The following MTX2 variants were observed in gnomAD, a reference collection of about 807,000 sequenced individuals.
The protein encoded by MTX2 is metaxin-2.
Under a neutral mutation model 42.3 loss-of-function variants are expected in MTX2, and 35 were observed. That is an observed-to-expected ratio of 0.83 (90% CI 0.63 to 1.10). The LOEUF is 1.10. MTX2 is among the 50% of genes least tolerant of loss of function. The pLI is 0.00. For synonymous variants in MTX2, 119 were observed against 100.9 expected, an observed-to-expected ratio of 1.18 and a Z score of -1.08; for missense variants, 307 against 304.1, an observed-to-expected ratio of 1.01 and a Z score of -0.07.
At chr2:176,323,884 A>G (rs1684643779) in intron 4 of MTX2, among the ~76,000 whole-genome samples, 1 of 151,662 alleles carries the variant, frequency 6.6e-6, no homozygotes. Context: ...GAGATTGTAG[A>G]AAAATTAATT....
rs77534553 is a variant in MTX2 at position 176,297,566 on chromosome 2, A to C, written c.89-283A>C. ...CACCAGATTTTACTTAATTTTAATG[A>C]AGAGGAACATTTCTTGAAAACTTGA... is the stretch of plus-strand genomic sequence containing the variant. On this transcript the variant is annotated intron_variant, in intron 2 of 9. Transcript: ENST00000249442. Among the ~76,000 whole-genome samples the C allele has an allele frequency of 0.013, 1,909 of 152,298 alleles. 37 individuals are homozygous for C. The highest frequency in any genetic ancestry group is 0.043 in the African/African-American group (1,807 of 41,576).
In MTX2 at chr2:176,337,699, A is replaced by C; in HGVS notation, c.*35A>C. 1 of 1,485,808 alleles carries C rather than the reference A, an allele frequency of 6.7e-7. No homozygotes were observed. Among genetic ancestry groups the C allele is most frequent in the East Asian group, 2.4e-5 (1 of 41,340 alleles). 92.0% of individuals were successfully genotyped at this position (1,485,808 alleles called of 1,614,324 possible). A position where few individuals can be genotyped will look rare whatever the true frequency, so the allele number is the denominator to read the frequency against. On this transcript the variant is annotated 3_prime_UTR_variant, in exon 10 of 10. Transcript: ENST00000249442. ...TTAGTCTCAGGAGTCTTAACTTTTG[A>C]AATATGTTTTACTTGAATGTTACAT...
At chr2:176,328,443 A>G in intron 6 of MTX2, 58 bp downstream of exon 6, 1 of 1,131,870 alleles carries the variant, frequency 8.8e-7, no homozygotes. Context: ...CTCATAAAAT[A>G]TAATCTTTCT....
At chr2:176,312,863 C>CAAAAAAAAAAAAAAAAA in intron 3 of MTX2, among the ~76,000 whole-genome samples, 1 of 56,032 alleles carries the variant, frequency 1.8e-5, no homozygotes, top group Non-Finnish European at 4.0e-5. Context: ...AATGCCATCT[C>CAAAAAAAAAAAAAAAAA]AAAAAAAAAA....
chr2:176,313,473 A>G (rs1435812276), intron 3 of MTX2, among the ~76,000 whole-genome samples: 2 of 148,372 alleles, frequency 1.3e-5, no homozygotes, highest in East Asian at 2.0e-4. Flanking sequence ...GCTCACTGCA[A>G]CTTCCATCTC....
intron 1 of MTX2, among the ~76,000 whole-genome samples, chr2:176,293,299 A>G (rs1454400559): frequency 2.6e-5 from 4 of 152,244 alleles, no homozygotes; most frequent in Middle Eastern, 3.2e-3. Context: ...ATTACATATT[A>G]AAGTTATTTG....
chr2:176,305,643 A>T (rs1441168057), intron 3 of MTX2, among the ~76,000 whole-genome samples: 1 of 152,138 alleles, frequency 6.6e-6, no homozygotes, highest in Non-Finnish European at 1.5e-5. Context: ...GGGAAAGCTT[A>T]TATCTTTCTC....
chr2:176,325,821 A>C lies in MTX2; in HGVS notation c.209-1004A>C, dbSNP rs187291629. ...TAGAAGGAAGGAATGCAGAATTGGC[A>C]ACAGGGAAATATCTTCTCAATACAT... On this transcript the variant is annotated intron_variant, in intron 4 of 9. Transcript: ENST00000249442. 5.8e-3 allele frequency among the ~76,000 whole-genome samples: 880 copies of C among 151,904 alleles called. 32 individuals carry two copies. Among genetic ancestry groups the C allele is most frequent in the Admixed American group, 0.054 (816 of 15,178 alleles).
chr2:176,327,187 T>C (rs1273861981), intron 5 of MTX2, among the ~76,000 whole-genome samples: 2 of 151,308 alleles, frequency 1.3e-5, no homozygotes, highest in East Asian at 1.9e-4. Flanking sequence ...TTCTAACTTA[T>C]GCTTACTACA....
intron 3 of MTX2, among the ~76,000 whole-genome samples, chr2:176,298,194 A>G (rs1334285092): frequency 1.3e-5 from 2 of 151,680 alleles, no homozygotes; most frequent in African/African-American, 4.8e-5. Context: ...TTGGCTGGAT[A>G]TGATGGTGTT....
intron 3 of MTX2, among the ~76,000 whole-genome samples, chr2:176,307,149 A>G (rs1405766956): frequency 6.6e-6 from 1 of 152,208 alleles, no homozygotes; most frequent in Non-Finnish European, 1.5e-5. Flanking sequence ...TCCCAGCACC[A>G]TTTATTAAAT....
intron 3 of MTX2, among the ~76,000 whole-genome samples, chr2:176,321,516 G>A (rs1020225388): frequency 2.6e-5 from 4 of 152,080 alleles, no homozygotes; most frequent in African/African-American, 7.2e-5. Flanking sequence ...GGACAAACAC[G>A]GGTAATCCAG....
At chr2:176,333,328 TCTTGA>T (rs1333570493) in intron 9 of MTX2, among the ~76,000 whole-genome samples, 5 of 151,574 alleles carry the variant, frequency 3.3e-5, no homozygotes, top group African/African-American at 9.7e-5. Flanking sequence ...TATATGAAGA[TCTTGA>T]CTTGATTAAA....
intron 9 of MTX2, among the ~76,000 whole-genome samples, chr2:176,332,029 G>A (rs1684874931): frequency 6.6e-6 from 1 of 150,980 alleles, no homozygotes; most frequent in African/African-American, 2.4e-5. Flanking sequence ...TTCTTCATAA[G>A]GGCACAATTA....
At chr2:176,278,706 T>C (rs1457384177) in intron 1 of MTX2, among the ~76,000 whole-genome samples, 1 of 152,202 alleles carries the variant, frequency 6.6e-6, no homozygotes, top group African/African-American at 2.4e-5. Flanking sequence ...TAAGCAGTTA[T>C]CAGATGGACT....
At chr2:176,276,074 T>G (rs1299769510) in intron 1 of MTX2, among the ~76,000 whole-genome samples, 1 of 152,246 alleles carries the variant, frequency 6.6e-6, no homozygotes. Flanking sequence ...ATGGTGAAAA[T>G]AATAATGTGT....
At chr2:176,330,923 G>A (rs1684847816) in intron 9 of MTX2, among the ~76,000 whole-genome samples, 1 of 150,874 alleles carries the variant, frequency 6.6e-6, no homozygotes, top group African/African-American at 2.4e-5. Context: ...TTTTAATGAG[G>A]TAGTTCAAGG....
intron 1 of MTX2, among the ~76,000 whole-genome samples, chr2:176,273,631 G>C (rs1692876663): frequency 6.6e-6 from 1 of 152,116 alleles, no homozygotes; most frequent in Admixed American, 6.5e-5. Flanking sequence ...TATCTTTTTA[G>C]AAGTCTTCTC....
intron 8 of MTX2, among the ~76,000 whole-genome samples, chr2:176,329,856 A>C (rs150640206): frequency 1.3e-5 from 2 of 149,628 alleles, no homozygotes; most frequent in East Asian, 2.0e-4. Context: ...TTAAAAAAAA[A>C]GCCCTGTTAA....
Sources: gnomAD v4.1 joint callset for allele counts (sites outside exome capture counted in the v4.1 genomes callset) on GRCh38, gnomAD v4.1.1 for gene constraint, MANE v1.5 for transcripts, NCBI Gene and HGNC (gene_info 2026-07-23, HGNC 2026-07-21) for gene names.